NKX6-3: variants seen among roughly 807,000 people sequenced by gnomAD.
The protein encoded by NKX6-3 is homeobox protein Nkx-6.3.
NKX6-3 carries 17 observed loss-of-function variants against 22.0 expected under a neutral mutation model. That is an observed-to-expected ratio of 0.77 (90% CI 0.53 to 1.16). NKX6-3 has a LOEUF of 1.16. Among genes scored for constraint, NKX6-3 ranks in the 50% most tolerant of loss-of-function variants. The pLI, the probability that NKX6-3 is intolerant of heterozygous loss-of-function variation, is 0.00. For synonymous variants in NKX6-3, 177 were observed against 167.2 expected (o/e 1.06, Z -0.45); for missense variants, 363 against 359.0 (o/e 1.01, Z -0.09).
chr8:41,646,773 T>G, intron 2 of NKX6-3, 79 bp from the exon 3 acceptor site: 3 of 1,489,842 alleles, frequency 2.0e-6, no homozygotes, highest in Non-Finnish European at 2.7e-6. Context: ...CTTTTACAGC[T>G]AAACAAATGG....
At position 41,646,648 on chromosome 8, in the gene NKX6-3, A is replaced by G. The variant is rs1321710682; in HGVS notation, c.599T>C (p.Leu200Pro). The stretch of plus-strand genomic sequence containing the variant: ...CCGGGGCGTGGAGGACGAGGGCTCC[A>G]GGGCGCTCTTCTTCCGCCACTTGGT... The part of the protein sequence containing the change: ...RRTKWRKKSA[L>P]EPSSSTPRAP... Residue 200 changes from leucine to proline, a missense_variant, in exon 3 of 3, where the codon CTG becomes CCG. Physicochemically the swap from Leu to Pro is moderately conservative, Grantham distance 98 (BLOSUM62 -3). Around this residue, in one of 3 missense-constraint regions of NKX6-3, gnomAD observed 169 missense variants for 155.8 expected, o/e 1.08. Transcript: ENST00000518699. The G allele has an allele frequency of 1.3e-6, 2 of 1,547,464 alleles. No individual in the cohort carries two copies. The highest frequency in any genetic ancestry group is 2.4e-5 in the East Asian group (1 of 41,088).
Position 41,646,222 on chromosome 8 carries a change from T to G in NKX6-3, c.*227A>C, listed in dbSNP as rs149836006. 1.1e-5 allele frequency: 7 copies of G among 621,766 alleles called. No individual in the cohort carries two copies. The highest frequency in any genetic ancestry group is 3.0e-5 in the Admixed American group (1 of 33,346). 38.5% of individuals were successfully genotyped at this position (621,766 alleles called of 1,614,324 possible). ...GGAGTGCTGTGCCTCCCTCCTGGCC[T>G]CCTCCTCCCTTAGCTAGGATGCCTG... On this transcript the variant is annotated 3_prime_UTR_variant, in exon 3 of 3. Coordinates refer to ENST00000518699, the MANE Select transcript of NKX6-3 (RefSeq NM_001364841.2).
intron 1 of NKX6-3, among the ~76,000 whole-genome samples, chr8:41,649,358 C>T (rs1003656821): frequency 3.9e-5 from 6 of 152,122 alleles, no homozygotes; most frequent in Admixed American, 2.6e-4. Context: ...TTCGGTGGCA[C>T]GGAGAAGATT....
In NKX6-3 at chr8:41,646,445, G is replaced by T. The variant is rs1444914689; in HGVS notation, c.*4C>A. On this transcript the variant is annotated 3_prime_UTR_variant, in exon 3 of 3. Coordinates refer to ENST00000518699, the MANE Select transcript of NKX6-3 (RefSeq NM_001364841.2). ...GCCAGGATCCCGGGCCTGGACGGCG[G>T]GCGTCAGACGCTGTGCGCTCCCAGG... The T allele has an allele frequency of 1.3e-6, 2 of 1,590,226 alleles. No homozygotes were observed. Among genetic ancestry groups the T allele is most frequent in the Non-Finnish European group, 1.7e-6 (2 of 1,171,476 alleles).
At position 41,650,179 on chromosome 8, in the gene NKX6-3, G is replaced by C; in HGVS notation, c.314C>G (p.Pro105Arg). ...GNFSKAGNEY[P>R]TRTRNCWADT... ...CGCCCAGCAGTTCCGGGTCCGGGTC[G>C]GGTACTCGTTCCCAGCCTTGGAAAA... Residue 105 changes from proline to arginine, a missense_variant, in exon 1 of 3, where the codon CCG becomes CGG. By Grantham distance (103) the Pro-to-Arg change is moderately radical. Coordinates refer to ENST00000518699, the MANE Select transcript of NKX6-3 (RefSeq NM_001364841.2). The C allele has an allele frequency of 6.5e-7, 1 of 1,535,404 alleles. No individual in the cohort carries two copies. Among genetic ancestry groups the C allele is most frequent in the Non-Finnish European group, 8.7e-7 (1 of 1,146,558 alleles).
At chr8:41,649,963 C>T (rs997374994) in intron 1 of NKX6-3, 148 bp downstream of exon 1, 8 of 837,944 alleles carry the variant, frequency 9.5e-6, no homozygotes, top group Non-Finnish European at 1.4e-5. Flanking sequence ...ACTCAGCCTG[C>T]ACTGAGCTGA....
rs751171019 is a variant in NKX6-3 at position 41,647,244 on chromosome 8, C to T, written c.553-550G>A. ...GTGTCTGCTTCTTCCCCCCAGCTCTCGCCCCAGGGCAGCTGAGCGGCTGAT... is the reference window on the plus strand; with the variant it reads ...GTGTCTGCTTCTTCCCCCCAGCTCTTGCCCCAGGGCAGCTGAGCGGCTGAT... On this transcript the variant is annotated intron_variant, in intron 2 of 2. Transcript: ENST00000518699. The T allele has an allele frequency of 6.2e-6, 10 of 1,611,586 alleles. No individual in the cohort carries two copies. In the South Asian group the frequency reaches 7.7e-5, roughly 12 times the overall value.
Position 41,646,606 on chromosome 8 carries a change from C to G in NKX6-3, c.641G>C (p.Gly214Ala). ...SSTPRAPGGA[G>A]AGAGGDRAPS... is the part of the protein sequence containing the mutation. ...TGCGCGGTCCCCGCCTGCGCCTGCA[C>G]CCGCGCCGCCCGGGGCCCGGGGCGT... is the stretch of plus-strand genomic sequence containing the variant. The change falls in exon 3 of 3, where the codon GGT becomes GCT. Residue 214 changes from glycine to alanine, a missense_variant. By Grantham distance (60) the Gly-to-Ala change is moderately conservative (BLOSUM62 0). Coordinates refer to ENST00000518699, the MANE Select transcript of NKX6-3 (RefSeq NM_001364841.2). 1 of 1,565,526 alleles carries G rather than the reference C, an allele frequency of 6.4e-7. No individual in the cohort carries two copies. The highest frequency in any genetic ancestry group is 8.7e-7 in the Non-Finnish European group (1 of 1,156,002).
chr8:41,648,115 T>C lies in NKX6-3; in HGVS notation c.503A>G (p.Glu168Gly). ...FEQTKYLAGP[E>G]RARLAYSLGM... Reference sequence around the variant, plus strand: ...CAGTGAGTATGCCAGCCGTGCCCTCTCGGGGCCAGCCAAGTACTTGGTCTG... The same window carrying C: ...CAGTGAGTATGCCAGCCGTGCCCTCCCGGGGCCAGCCAAGTACTTGGTCTG... Residue 168 changes from glutamate (E) to glycine (G), a missense_variant, in exon 2 of 3, where the codon GAG (glutamate) becomes GGG (glycine). Glu to Gly is a moderately conservative substitution (Grantham distance 98, BLOSUM62 -2). Around this residue, in one of 3 missense-constraint regions of NKX6-3, gnomAD observed 169 missense variants for 155.8 expected, o/e 1.08. Transcript: ENST00000518699. The C allele has an allele frequency of 1.3e-6, 2 of 1,537,046 alleles. No homozygotes were observed. The highest frequency in any genetic ancestry group is 1.7e-6 in the Non-Finnish European group (2 of 1,146,808).
Position 41,648,223 on chromosome 8 carries a change from A to T in NKX6-3, c.395T>A (p.Leu132Gln). The change falls in exon 2 of 3, where the codon CTG (leucine) becomes CAG (glutamine). Residue 132 changes from leucine (L) to glutamine (Q), a missense_variant. Leu to Gln is a moderately radical substitution (Grantham distance 113, BLOSUM62 -2). Coordinates refer to ENST00000518699, the MANE Select transcript of NKX6-3 (RefSeq NM_001364841.2). Reference sequence around the variant, plus strand: ...CTTCTTCTTGTGTATGCTGTCACTCAGGGGGTCTGGGGCTGGCAGGAGGAA... The same window carrying T: ...CTTCTTCTTGTGTATGCTGTCACTCTGGGGGTCTGGGGCTGGCAGGAGGAA... ...GRQCSNTPDP[L>Q]SDSIHKKKHT... The T allele has an allele frequency of 6.5e-7, 1 of 1,536,052 alleles. No homozygotes were observed. Among genetic ancestry groups the T allele is most frequent in the Non-Finnish European group, 8.7e-7 (1 of 1,146,312 alleles).
rs1194059925 is a variant in NKX6-3, at chr8:41,646,629, C to T, written c.618G>A (p.Thr206=). 1.3e-6 allele frequency: 2 copies of T among 1,555,118 alleles called. No individual in the cohort carries two copies. The highest frequency in any genetic ancestry group is 2.0e-5 in the Admixed American group (1 of 50,586). ...KKSALEPSSS[T]PRAPGGAGAG... ...CACCCGCGCCGCCCGGGGCCCGGGG[C>T]GTGGAGGACGAGGGCTCCAGGGCGC... Residue 206 remains threonine, a synonymous_variant, in exon 3 of 3, where the codon ACG becomes ACA. Coordinates refer to ENST00000518699, the MANE Select transcript of NKX6-3 (RefSeq NM_001364841.2).
intron 2 of NKX6-3, 112 bp downstream of exon 2, chr8:41,647,954 A>T (rs982376404): frequency 1.1e-6 from 1 of 949,590 alleles, no homozygotes; most frequent in Non-Finnish European, 1.5e-6. Flanking sequence ...AGACACCAGG[A>T]CAGCTGCCCT....
chr8:41,650,067 G>A (rs913495272), intron 1 of NKX6-3, 44 bp downstream of exon 1: 69 of 1,500,104 alleles, frequency 4.6e-5, no homozygotes, highest in Non-Finnish European at 5.8e-5. Flanking sequence ...GCCCCCCGGG[G>A]CCTGGCGGGT....
chr8:41,646,528 T>C lies in NKX6-3; in HGVS notation c.719A>G (p.Asp240Gly). The change falls in exon 3 of 3, where the codon GAC becomes GGC. Residue 240 changes from aspartate to glycine, a missense_variant. Coordinates refer to ENST00000518699, the MANE Select transcript of NKX6-3 (RefSeq NM_001364841.2). ...CAGCAGCAGGCGGATCTTCTCGTCG[T>C]CCGAGTCGGGGTCCAGCGGCTTGTT... is the stretch of plus-strand genomic sequence containing the variant. ...EYNKPLDPDS[D>G]DEKIRLLLRK... 1 of 1,612,286 alleles carries C rather than the reference T, an allele frequency of 6.2e-7. No individual in the cohort carries two copies.
At position 41,650,419 on chromosome 8, in the gene NKX6-3, G is replaced by A. The variant is rs1487431494; in HGVS notation, c.74C>T (p.Pro25Leu). ...PLAQFPEMKA[P>L]VCQYSVQNSF... Reference sequence around the variant, plus strand: ...GTTCTGCACAGAGTACTGGCACACCGGGGCCTTCATCTCCGGAAACTGAGC... The same window carrying A: ...GTTCTGCACAGAGTACTGGCACACCAGGGCCTTCATCTCCGGAAACTGAGC... The change falls in exon 1 of 3, where the codon CCG becomes CTG. Residue 25 changes from proline (P) to leucine (L), a missense_variant. By Grantham distance (98) the Pro-to-Leu change is moderately conservative. Transcript: ENST00000518699. 1 of 1,535,406 alleles carries A rather than the reference G, an allele frequency of 6.5e-7. No homozygotes were observed. The highest frequency in any genetic ancestry group is 8.7e-7 in the Non-Finnish European group (1 of 1,146,548).
chr8:41,649,794 T>G (rs779305207), intron 1 of NKX6-3, among the ~76,000 whole-genome samples: 1 of 152,094 alleles, frequency 6.6e-6, no homozygotes, highest in Non-Finnish European at 1.5e-5. Flanking sequence ...CTGGGCTGCC[T>G]ACTGGACCTC....
Position 41,650,615 on chromosome 8 carries a change from C to T in NKX6-3, c.-123G>A. ...ACCGTCTCCGAGCTCCTGACTGCCT[C>T]CCACCTAAGGCATGGGCCAGGCCCT... On this transcript the variant is annotated 5_prime_UTR_variant, in exon 1 of 3. Coordinates refer to ENST00000518699, the MANE Select transcript of NKX6-3 (RefSeq NM_001364841.2). The T allele has an allele frequency of 9.8e-7, 1 of 1,017,110 alleles. No homozygotes were observed. Among genetic ancestry groups the T allele is most frequent in the Non-Finnish European group, 1.4e-6 (1 of 715,704 alleles). 63.0% of individuals were successfully genotyped at this position (1,017,110 alleles called of 1,614,324 possible).
chr8:41,646,277 CCCG>C lies in NKX6-3; in HGVS notation c.*169_*171del. On this transcript the variant is annotated 3_prime_UTR_variant, in exon 3 of 3. Coordinates refer to ENST00000518699, the MANE Select transcript of NKX6-3 (RefSeq NM_001364841.2). ...CTTTCCCTCCTTTTCCTCCTCCTCC[CCCG>C]CCTCCCCTCCTCCTCCCCTGCACCT... is the stretch of plus-strand genomic sequence containing the variant. 3 of 867,746 alleles carry C rather than the reference CCCG, an allele frequency of 3.5e-6. No individual in the cohort carries two copies. Among genetic ancestry groups the C allele is most frequent in the Admixed American group, 2.9e-5 (1 of 34,646 alleles). 53.8% of individuals were successfully genotyped at this position (867,746 alleles called of 1,614,324 possible).
At chr8:41,647,174 T>A (rs1804228982) in intron 2 of NKX6-3, 1 of 1,612,056 alleles carries the variant, frequency 6.2e-7, no homozygotes, top group African/African-American at 1.3e-5. Context: ...TTGGGATAGT[T>A]GAAGAGGGCA....
Sources: allele counts gnomAD v4.1 joint callset (sites outside exome capture counted in the v4.1 genomes callset), GRCh38; gene constraint gnomAD v4.1.1; regional missense constraint gnomAD v4.1.1; transcripts MANE v1.5; gene names NCBI Gene and HGNC (gene_info 2026-07-23, HGNC 2026-07-21).